PIP4K2C: variants seen among roughly 807,000 people sequenced by gnomAD.
The protein encoded by PIP4K2C is phosphatidylinositol-5-phosphate 4-kinase type 2 gamma, also known as phosphatidylinositol 5-phosphate 4-kinase type-2 gamma.
In PIP4K2C, 21 loss-of-function variants were observed where a neutral mutation model predicts 45.0. That is an observed-to-expected ratio of 0.47 (90% CI 0.33 to 0.67). PIP4K2C has a LOEUF of 0.67. Ranked by LOEUF, PIP4K2C falls within the 30% of genes least tolerant of loss-of-function variation. The pLI, the probability that PIP4K2C is intolerant of heterozygous loss-of-function variation, is 0.02. For synonymous variants in PIP4K2C, 201 were observed against 204.8 expected, an observed-to-expected ratio of 0.98 and a Z score of 0.16; for missense variants, 456 against 542.8, an observed-to-expected ratio of 0.84 and a Z score of 1.59.
intron 1 of PIP4K2C, among the ~76,000 whole-genome samples, chr12:57,593,584 C>T (rs1460137606): frequency 6.6e-6 from 1 of 151,876 alleles, no homozygotes; most frequent in African/African-American, 2.4e-5. Flanking sequence ...GTGGTTGGCC[C>T]CACAGAATCC....
intron 1 of PIP4K2C, among the ~76,000 whole-genome samples, chr12:57,592,915 T>A (rs558330852): frequency 4.7e-5 from 7 of 150,530 alleles, no homozygotes; most frequent in South Asian, 2.1e-4. Flanking sequence ...TTTTTTTTTT[T>A]AATCTGGAGG....
At chr12:57,593,570 T>G (rs1345000052) in intron 1 of PIP4K2C, among the ~76,000 whole-genome samples, 3 of 152,182 alleles carry the variant, frequency 2.0e-5, no homozygotes, top group African/African-American at 2.4e-5. Flanking sequence ...TTATCCTTTT[T>G]GCTGTGGTTG....
Position 57,602,670 on chromosome 12 carries a change from C to T in PIP4K2C, c.*1064C>T, listed in dbSNP as rs1170386611. Reference sequence around the variant, plus strand: ...ACCTAGCACACTTCCTTCTCCCACCCCTTTTTCCAGTTGGATTTGTTTTTC... The same window carrying T: ...ACCTAGCACACTTCCTTCTCCCACCTCTTTTTCCAGTTGGATTTGTTTTTC... On this transcript the variant is annotated 3_prime_UTR_variant, in exon 10 of 10. Coordinates refer to ENST00000354947, the MANE Select transcript of PIP4K2C (RefSeq NM_024779.5). 1 of 152,560 alleles carries T rather than the reference C, an allele frequency of 6.6e-6. No individual in the cohort carries two copies. Among genetic ancestry groups the T allele is most frequent in the East Asian group, 1.9e-4 (1 of 5,198 alleles). The allele number at this position is 152,560 out of a possible 1,614,324, so 9.5% of individuals were successfully genotyped here.
chr12:57,598,429 G>T (rs1399649093), intron 4 of PIP4K2C, among the ~76,000 whole-genome samples: 1 of 151,484 alleles, frequency 6.6e-6, no homozygotes, highest in East Asian at 1.9e-4. Context: ...GCTGAGGCAG[G>T]AGAATTGCTT....
intron 3 of PIP4K2C, 44 bp downstream of exon 3, chr12:57,595,266 A>C (rs767032118): frequency 1.7e-6 from 2 of 1,199,788 alleles, no homozygotes; most frequent in Non-Finnish European, 2.5e-6. Context: ...TCTCCCCAGC[A>C]ACTGAGGAGT....
chr12:57,601,547 G>A lies in PIP4K2C; in HGVS notation c.1207G>A (p.Val403Ile). The stretch of plus-strand genomic sequence containing the variant: ...ACAGGCTGGGGCAGAGATCTCTACT[G>A]TCCATCCGGAGCAGTATGCTAAGCG... ...KHGAGAEIST[V>I]HPEQYAKRFL... Residue 403 changes from valine (V) to isoleucine (I), a missense_variant, in exon 10 of 10, where the codon GTC becomes ATC. Around this residue, in one of 2 missense-constraint regions of PIP4K2C, gnomAD observed 35 missense variants for 69.7 expected, o/e 0.50. Transcript: ENST00000354947. 6.2e-7 allele frequency: 1 copy of A among 1,613,438 alleles called. No individual in the cohort carries two copies. The highest frequency in any genetic ancestry group is 8.5e-7 in the Non-Finnish European group (1 of 1,179,402).
chr12:57,591,373 CAAG>C lies in PIP4K2C; in HGVS notation c.91_93del (p.Lys31del). 6.2e-7 allele frequency: 1 copy of C among 1,613,914 alleles called. No homozygotes were observed. The highest frequency in any genetic ancestry group is 8.5e-7 in the Non-Finnish European group (1 of 1,179,926). On this transcript the variant is annotated inframe_deletion, in exon 1 of 10. Coordinates refer to ENST00000354947, the MANE Select transcript of PIP4K2C (RefSeq NM_024779.5). The stretch of plus-strand genomic sequence containing the variant: ...CAGGTTTCGGCTTCGCCTCCAAGAC[CAAG>C]AAGAAGCATTTCGTGCAGCAGAAGG...
chr12:57,592,706 C>T (rs889658902), intron 1 of PIP4K2C, among the ~76,000 whole-genome samples: 5 of 152,070 alleles, frequency 3.3e-5, no homozygotes, highest in African/African-American at 1.2e-4. Context: ...CATGTAAGAC[C>T]TACCTCAGCT....
Position 57,601,719 on chromosome 12 carries a change from G to A in PIP4K2C, c.*113G>A, listed in dbSNP as rs989645437. 21 of 918,238 alleles carry A rather than the reference G, an allele frequency of 2.3e-5. No individual in the cohort carries two copies. The highest frequency in any genetic ancestry group is 2.3e-4 in the African/African-American group (14 of 61,520). The allele number at this position is 918,238 out of a possible 1,614,324, so 56.9% of individuals were successfully genotyped here. A position where few individuals can be genotyped will look rare whatever the true frequency, so the allele number is the denominator to read the frequency against. On this transcript the variant is annotated 3_prime_UTR_variant, in exon 10 of 10. Coordinates refer to ENST00000354947, the MANE Select transcript of PIP4K2C (RefSeq NM_024779.5). ...CTTCTTCCTTTGCTAAATTCAGGCT[G>A]CAGGCTCCTTCCATCCAGATAACTC...
Position 57,599,196 on chromosome 12 carries a change from GA to G in PIP4K2C, c.647del (p.Lys216SerfsTer8). 1 of 1,614,200 alleles carries G rather than the reference GA, an allele frequency of 6.2e-7. No homozygotes were observed. The highest frequency in any genetic ancestry group is 8.5e-7 in the Non-Finnish European group (1 of 1,180,034). ...TTAGCCACCGTCTTCCTGTGCACAGGAAGTATGACCTCAAGGTAAGAAGAGG... is the reference window on the plus strand; with the variant it reads ...TTAGCCACCGTCTTCCTGTGCACAGGAGTATGACCTCAAGGTAAGAAGAGG... ...MFSHRLPVHR[K>X]YDLKGSLVSR... is the part of the protein sequence containing the mutation. On this transcript the variant is annotated frameshift_variant, in exon 5 of 10. Coordinates refer to ENST00000354947, the MANE Select transcript of PIP4K2C (RefSeq NM_024779.5). LOFTEE classifies it high-confidence loss of function.
chr12:57,598,455 C>T (rs927780206), intron 4 of PIP4K2C, among the ~76,000 whole-genome samples: 8 of 135,716 alleles, frequency 5.9e-5, no homozygotes, highest in African/African-American at 1.7e-4. Flanking sequence ...TGGGAGGAGG[C>T]GGGGGTTACA....
chr12:57,599,905 G>A (rs1332353910), intron 6 of PIP4K2C, among the ~76,000 whole-genome samples: 4 of 152,102 alleles, frequency 2.6e-5, no homozygotes, highest in African/African-American at 9.7e-5. Flanking sequence ...TTAGCCGGGC[G>A]TGGTGGCACG....
At chr12:57,597,591 A>C (rs1785564384) in intron 4 of PIP4K2C, among the ~76,000 whole-genome samples, 1 of 152,230 alleles carries the variant, frequency 6.6e-6, no homozygotes, top group African/African-American at 2.4e-5. Context: ...GTGATCATTA[A>C]AACCATGGCT....
At chr12:57,598,550 A>C (rs1441031306) in intron 4 of PIP4K2C, among the ~76,000 whole-genome samples, 2 of 139,226 alleles carry the variant, frequency 1.4e-5, no homozygotes, top group Admixed American at 7.7e-5. Flanking sequence ...AAAAATCCAA[A>C]TTGTAGGCCA....
In PIP4K2C at chr12:57,601,937, A is replaced by AGG. The variant is rs1171562436; in HGVS notation, c.*335_*336dup. On this transcript the variant is annotated 3_prime_UTR_variant, in exon 10 of 10. Coordinates refer to ENST00000354947, the MANE Select transcript of PIP4K2C (RefSeq NM_024779.5). ...TTTCTATGATATAGGAGCTAGGGGAAGGGGGTTGTTTGCCTTCTTCAGGAC... is the reference window on the plus strand; with the variant it reads ...TTTCTATGATATAGGAGCTAGGGGAAGGGGGGGTTGTTTGCCTTCTTCAGGAC... The AGG allele has an allele frequency of 3.2e-6, 1 of 311,734 alleles. No individual in the cohort carries two copies. The highest frequency in any genetic ancestry group is 4.5e-5 in the Admixed American group (1 of 22,448). The allele number at this position is 311,734 out of a possible 1,614,324, so 19.3% of individuals were successfully genotyped here. A position where few individuals can be genotyped will look rare whatever the true frequency, so the allele number is the denominator to read the frequency against.
At chr12:57,600,127 G>A (rs1398736209) in intron 6 of PIP4K2C, among the ~76,000 whole-genome samples, 197 bp from the exon 7 acceptor site, 1 of 152,076 alleles carries the variant, frequency 6.6e-6, no homozygotes, top group African/African-American at 2.4e-5. Context: ...GCAGAGAGTA[G>A]TGGGATGTGA....
chr12:57,598,971 C>T, intron 4 of PIP4K2C, 94 bp from the exon 5 acceptor site: 3 of 1,374,604 alleles, frequency 2.2e-6, no homozygotes, highest in Non-Finnish European at 3.0e-6. Flanking sequence ...AAGTCCTCTG[C>T]TCTACCCTGG....
chr12:57,598,965 C>T (rs1883307851), intron 4 of PIP4K2C, 100 bp from the exon 5 acceptor site: 2 of 1,304,372 alleles, frequency 1.5e-6, no homozygotes, highest in East Asian at 4.7e-5. Context: ...TACTTGAAGT[C>T]CTCTGCTCTA....
intron 1 of PIP4K2C, among the ~76,000 whole-genome samples, chr12:57,593,675 G>GTTTTTTTTTTTTTTTTTTTTTT (rs56900742): frequency 1.6e-5 from 1 of 64,042 alleles, no homozygotes; most frequent in Non-Finnish European, 2.7e-5. Context: ...AGCTTGCAGA[G>GTTTTTTTTTTTTTTTTTTTTTT]TTTTTTTTTT....
Sources: gnomAD v4.1 joint callset for allele counts (sites outside exome capture counted in the v4.1 genomes callset) on GRCh38, gnomAD v4.1.1 for gene constraint, gnomAD v4.1.1 regional missense constraint, MANE v1.5 for transcripts, NCBI Gene and HGNC (gene_info 2026-07-23, HGNC 2026-07-21) for gene names.